The following TSHZ3 variants were observed in gnomAD, a reference collection of about 807,000 sequenced individuals.
TSHZ3 encodes teashirt zinc finger homeobox 3.
TSHZ3 carries 10 observed loss-of-function variants against 64.5 expected under a neutral mutation model. The observed-to-expected ratio is 0.16, with a 90% confidence interval of 0.10 to 0.26. TSHZ3 has a LOEUF of 0.26. TSHZ3 is among the 10% of genes least tolerant of loss of function. TSHZ3 has a pLI of 1.00. For synonymous variants in TSHZ3, 608 were observed against 593.1 expected (o/e 1.03, Z -0.36); for missense variants, 1,242 against 1,421.7 (o/e 0.87, Z 2.03).
rs1167457797 is a variant in TSHZ3, at chr19:31,279,376, G to C, written c.417C>G (p.His139Gln). ...CGTTGTTCTTCTCCGAGGAGGGCTG[G>C]TGCAGGTTGAGGTTGAGGTTGGACC... ...SYWSNLNLNL[H>Q]QPSSEKNNGS... Residue 139 changes from histidine to glutamine, a missense_variant, in exon 2 of 2, where the codon CAC (histidine) becomes CAG (glutamine). Physicochemically the swap from His to Gln is conservative, Grantham distance 24 (BLOSUM62 0). Around this residue, in one of 4 missense-constraint regions of TSHZ3, gnomAD observed 555 missense variants for 704.0 expected, o/e 0.79. Coordinates refer to ENST00000240587, the MANE Select transcript of TSHZ3 (RefSeq NM_020856.4). The surrounding 1 kb of genome is among the most constrained non-coding windows in gnomAD (Gnocchi z 6.4). The C allele has an allele frequency of 1.9e-6, 3 of 1,614,220 alleles. No homozygotes were observed. Among genetic ancestry groups the C allele is most frequent in the Admixed American group, 1.7e-5 (1 of 60,030 alleles).
intron 1 of TSHZ3, among the ~76,000 whole-genome samples, chr19:31,268,083 C>T (rs930960080): frequency 2.0e-5 from 3 of 152,032 alleles, no homozygotes; most frequent in South Asian, 2.1e-4. Flanking sequence ...ATAAGTCTCA[C>T]GAGATTTGAT....
chr19:31,339,356 A>G lies in TSHZ3; in HGVS notation c.40+9824T>C, dbSNP rs550848749. On this transcript the variant is annotated intron_variant, in intron 1 of 1. Transcript: ENST00000240587. ...CATAACCTCTCCCGTGCCTCTGCCA[A>G]TCTCCCACCCGCCACGCCACGCACC... Among the ~76,000 whole-genome samples the G allele has an allele frequency of 2.0e-5, 3 of 152,012 alleles. No individual in the cohort carries two copies. The South Asian group carries it at 6.2e-4, about 32-fold the overall frequency.
At chr19:31,263,057 G>A (rs117572168) in intron 1 of TSHZ3, among the ~76,000 whole-genome samples, 3,277 of 152,214 alleles carry the variant, frequency 0.022, 67 homozygotes, top group South Asian at 0.084. Flanking sequence ...GTGCTGGCAC[G>A]GACATCTTGG....
chr19:31,237,766 G>T (rs1243961254), intron 3 of TSHZ3, among the ~76,000 whole-genome samples: 2 of 152,090 alleles, frequency 1.3e-5, no homozygotes, highest in Non-Finnish European at 2.9e-5. Context: ...TGCTTTAGCT[G>T]TACACTGCAC....
Position 31,345,611 on chromosome 19 carries a change from C to A in TSHZ3, c.40+3569G>T, listed in dbSNP as rs149501309. 1.4e-4 allele frequency among the ~76,000 whole-genome samples: 22 copies of A among 152,286 alleles called. No homozygotes were observed. The South Asian group carries it at 4.4e-3, about 30-fold the overall frequency. ...TTGTTTTTACCACCTAAGAACTCCA[C>A]GGAACATTACCCCCTTTCAAAGAAT... is the stretch of plus-strand genomic sequence containing the variant. On this transcript the variant is annotated intron_variant, in intron 1 of 1. Coordinates refer to ENST00000240587, the MANE Select transcript of TSHZ3 (RefSeq NM_020856.4).
At chr19:31,247,626 G>C (rs922791109) in intron 1 of TSHZ3, among the ~76,000 whole-genome samples, 2 of 152,192 alleles carry the variant, frequency 1.3e-5, no homozygotes, top group African/African-American at 4.8e-5. Context: ...CCACTAAGGA[G>C]AGTGTTAGGA....
chr19:31,198,072 C>G (rs1450867955), intron 5 of TSHZ3, among the ~76,000 whole-genome samples: 1 of 151,962 alleles, frequency 6.6e-6, no homozygotes, highest in Non-Finnish European at 1.5e-5. Flanking sequence ...AAATTGAATC[C>G]AATAATGTGT....
chr19:31,325,762 G>T (rs1363209083), intron 1 of TSHZ3, among the ~76,000 whole-genome samples: 1 of 152,160 alleles, frequency 6.6e-6, no homozygotes, highest in Non-Finnish European at 1.5e-5. Context: ...GTTTGTCAAA[G>T]AAAAGACTAG....
chr19:31,345,843 G>GA (rs1232775467), intron 1 of TSHZ3, among the ~76,000 whole-genome samples: 5 of 152,116 alleles, frequency 3.3e-5, no homozygotes, highest in Admixed American at 2.0e-4. Flanking sequence ...CTGAACAGGA[G>GA]AAAATCATGC....
intron 1 of TSHZ3, among the ~76,000 whole-genome samples, chr19:31,335,988 C>T (rs1030028506): frequency 1.3e-5 from 2 of 152,182 alleles, no homozygotes; most frequent in Non-Finnish European, 2.9e-5. Context: ...TCCCTGAAAA[C>T]GGTGTCCCAG....
rs749560411 is a variant in TSHZ3, at chr19:31,278,081, G to A, written c.1712C>T (p.Thr571Met). The A allele has an allele frequency of 3.3e-5, 53 of 1,614,004 alleles. No homozygotes were observed. The highest frequency in any genetic ancestry group is 7.7e-5 in the South Asian group (7 of 91,088). The change falls in exon 2 of 2, where the codon ACG becomes ATG. Residue 571 changes from threonine (T) to methionine (M), a missense_variant. Coordinates refer to ENST00000240587, the MANE Select transcript of TSHZ3 (RefSeq NM_020856.4). This position sits in a 1 kb window ranked among gnomAD's most constrained non-coding sequence, Gnocchi z 4.7. Reference protein sequence around the residue: ...KLSLGSSGKSTPLKPMFGNSE... With the variant: ...KLSLGSSGKSMPLKPMFGNSE... ...GTTGCCAAACATGGGTTTCAGGGGC[G>A]TGCTCTTCCCCGACGAGCCCAGGGA...
At chr19:31,167,715 C>T (rs1029024730) in intron 5 of TSHZ3, 19 of 152,150 alleles carry the variant, frequency 1.2e-4, no homozygotes, top group African/African-American at 4.6e-4. Context: ...ACTTCATTGT[C>T]ACTGAACACA....
chr19:31,245,155 G>A (rs1453900539), intron 1 of TSHZ3, among the ~76,000 whole-genome samples: 1 of 152,032 alleles, frequency 6.6e-6, no homozygotes, highest in Non-Finnish European at 1.5e-5. Context: ...TTGCAAGTCA[G>A]TATACAATAA....
intron 3 of TSHZ3, among the ~76,000 whole-genome samples, chr19:31,235,611 TC>T (rs1205945918): frequency 1.4e-5 from 2 of 146,056 alleles, no homozygotes; most frequent in Admixed American, 1.4e-4. Context: ...TTTCTTTCTT[TC>T]TTTCCTCTTT....
At chr19:31,282,797 G>A (rs187022132) in intron 1 of TSHZ3, among the ~76,000 whole-genome samples, 148 of 152,264 alleles carry the variant, frequency 9.7e-4, no homozygotes, top group Middle Eastern at 3.4e-3. Context: ...CAACTCAGAG[G>A]AGAATTAAAA....
At chr19:31,247,993 C>A (rs1975780739) in intron 1 of TSHZ3, among the ~76,000 whole-genome samples, 1 of 152,080 alleles carries the variant, frequency 6.6e-6, no homozygotes, top group Admixed American at 6.6e-5. Flanking sequence ...GGAGGCCTCA[C>A]AATCATGGTG....
intron 1 of TSHZ3, among the ~76,000 whole-genome samples, chr19:31,263,053 G>A (rs1194856023): frequency 6.6e-6 from 1 of 152,162 alleles, no homozygotes; most frequent in Non-Finnish European, 1.5e-5. Flanking sequence ...GGCAGTGCTG[G>A]CACGGACATC....
chr19:31,320,677 G>A (rs906790720), intron 1 of TSHZ3, among the ~76,000 whole-genome samples: 10 of 152,282 alleles, frequency 6.6e-5, no homozygotes, highest in African/African-American at 1.9e-4. Flanking sequence ...GGTCAGGTGC[G>A]GGTCCAAGAG....
chr19:31,328,190 C>G (rs765092572), intron 1 of TSHZ3, among the ~76,000 whole-genome samples: 1 of 152,216 alleles, frequency 6.6e-6, no homozygotes, highest in Non-Finnish European at 1.5e-5. Flanking sequence ...TTCATTTATA[C>G]AAGATCCACC....
Sources: gnomAD v4.1 joint callset for allele counts (sites outside exome capture counted in the v4.1 genomes callset) on GRCh38, gnomAD v4.1.1 for gene constraint, gnomAD v4.1.1 regional missense constraint, Gnocchi (gnomAD v3.1) non-coding constraint, MANE v1.5 for transcripts, NCBI Gene and HGNC (gene_info 2026-07-23, HGNC 2026-07-21) for gene names.